The following SP7 variants were observed in gnomAD, a reference collection of about 807,000 sequenced individuals.
SP7 encodes the protein Sp7 transcription factor.
A neutral mutation model predicts 27.9 loss-of-function variants in SP7; 13 were observed. That is an observed-to-expected ratio of 0.47 (90% CI 0.30 to 0.74). The LOEUF (loss-of-function observed/expected upper bound fraction) is 0.74, where lower values mean the gene tolerates loss of function less well. Ranked by LOEUF, SP7 falls within the 30% of genes least tolerant of loss-of-function variation. The pLI, the probability that SP7 is intolerant of heterozygous loss-of-function variation, is 0.06. For synonymous variants in SP7, 219 were observed against 226.7 expected, an observed-to-expected ratio of 0.97 and a Z score of 0.31; for missense variants, 525 against 558.0, an observed-to-expected ratio of 0.94 and a Z score of 0.60.
rs748651512 is a variant in SP7 at position 53,328,375 on chromosome 12, C to G, written c.1067G>C (p.Cys356Ser). 6.2e-7 allele frequency: 1 copy of G among 1,613,588 alleles called. No individual in the cohort carries two copies. The highest frequency in any genetic ancestry group is 1.1e-5 in the South Asian group (1 of 91,044). ...RTHTREKKFT[C>S]LLCSKRFTRS... ...GGTAAAGCGCTTGGAGCAGAGCAGGCAGGTGAACTTCTTCTCCCGGGTGTG... is the reference window on the plus strand; with the variant it reads ...GGTAAAGCGCTTGGAGCAGAGCAGGGAGGTGAACTTCTTCTCCCGGGTGTG... Residue 356 changes from cysteine to serine, a missense_variant, in exon 3 of 3, where the codon TGC becomes TCC. By Grantham distance (112) the Cys-to-Ser change is moderately radical (BLOSUM62 -1). Coordinates refer to ENST00000536324, the MANE Select transcript of SP7 (RefSeq NM_001173467.3). The surrounding 1 kb of genome is among the most constrained non-coding windows in gnomAD (Gnocchi z 5.1).
At position 53,328,688 on chromosome 12, in the gene SP7, C is replaced by T; in HGVS notation, c.754G>A (p.Ala252Thr). 1 of 1,606,842 alleles carries T rather than the reference C, an allele frequency of 6.2e-7. No homozygotes were observed. Among genetic ancestry groups the T allele is most frequent in the East Asian group, 2.2e-5 (1 of 44,714 alleles). Residue 252 changes from alanine to threonine, a missense_variant, in exon 3 of 3, where the codon GCA (alanine) becomes ACA (threonine). Ala to Thr is a moderately conservative substitution (Grantham distance 58, BLOSUM62 0). Coordinates refer to ENST00000536324, the MANE Select transcript of SP7 (RefSeq NM_001173467.3). The surrounding 1 kb of genome is among the most constrained non-coding windows in gnomAD (Gnocchi z 5.1). ...TATCCACCACTACCCCCAGTGCTTG[C>T]ACCCCGTGGGGGTTTGGCTCCACCA... is the stretch of plus-strand genomic sequence containing the variant. ...GSGGAKPPRG[A>T]STGGSGGYGG...
At chr12:53,341,740 T>C (rs1429335410) in intron 1 of SP7, among the ~76,000 whole-genome samples, 1 of 152,060 alleles carries the variant, frequency 6.6e-6, no homozygotes, top group African/African-American at 2.4e-5. Context: ...GGTCAGAAGT[T>C]TGAGACTAGC....
At position 53,329,301 on chromosome 12, in the gene SP7, C is replaced by T. The variant is rs756141889; in HGVS notation, c.141G>A (p.Pro47=). The change falls in exon 3 of 3, where the codon CCG becomes CCA. Residue 47 remains proline, a synonymous_variant. Coordinates refer to ENST00000536324, the MANE Select transcript of SP7 (RefSeq NM_001173467.3). ...CTGAAAGGTCACTGCCCACAGAGTACGGCTTCTTTGTGCCTGCTTTGCCCA... is the reference window on the plus strand; with the variant it reads ...CTGAAAGGTCACTGCCCACAGAGTATGGCTTCTTTGTGCCTGCTTTGCCCA... The part of the protein sequence containing the change: ...TTLGKAGTKK[P]YSVGSDLSAS... 2.9e-5 allele frequency: 46 copies of T among 1,613,788 alleles called. No individual in the cohort carries two copies. The highest frequency in any genetic ancestry group is 1.8e-4 in the East Asian group (8 of 44,886).
At chr12:53,333,451 G>A (rs1180587377) in intron 2 of SP7, among the ~76,000 whole-genome samples, 6 of 152,232 alleles carry the variant, frequency 3.9e-5, no homozygotes, top group Admixed American at 3.3e-4. Context: ...GAGCAGGGGA[G>A]GGGGATCCCC....
chr12:53,335,176 G>A (rs970150149), intron 2 of SP7, among the ~76,000 whole-genome samples: 2 of 151,972 alleles, frequency 1.3e-5, no homozygotes, highest in East Asian at 1.9e-4. Context: ...CCCAGGAGAC[G>A]GGACCCCTAA....
chr12:53,333,251 C>T (rs11613008), intron 2 of SP7, among the ~76,000 whole-genome samples: 1 of 152,282 alleles, frequency 6.6e-6, no homozygotes, highest in South Asian at 2.1e-4. Flanking sequence ...AAACATGTGT[C>T]CCCATACCTG....
upstream of SP7, among the ~76,000 whole-genome samples, chr12:53,338,048 G>T (rs1392201059): frequency 6.6e-6 from 1 of 152,050 alleles, no homozygotes; most frequent in East Asian, 1.9e-4. Flanking sequence ...GAGGAACAAA[G>T]ATGGGGAGAC....
chr12:53,337,700 G>A (rs1342926850), upstream of SP7, among the ~76,000 whole-genome samples: 4 of 152,150 alleles, frequency 2.6e-5, no homozygotes, highest in Non-Finnish European at 4.4e-5. Context: ...TCCACGGAGG[G>A]TTGCACAGCA....
rs1315223481 is a variant in SP7 at position 53,328,751 on chromosome 12, G to A, written c.691C>T (p.Pro231Ser). The change falls in exon 3 of 3, where the codon CCC (proline) becomes TCC (serine). Residue 231 changes from proline (P) to serine (S), a missense_variant. Physicochemically the swap from Pro to Ser is moderately conservative, Grantham distance 74. Coordinates refer to ENST00000536324, the MANE Select transcript of SP7 (RefSeq NM_001173467.3). The surrounding 1 kb of genome is among the most constrained non-coding windows in gnomAD (Gnocchi z 5.1). Reference sequence around the variant, plus strand: ...TGCCCACTATTTCCCACTGCCTTGGGTTTATAGACATCTTGGGGCAAGACA... The same window carrying A: ...TGCCCACTATTTCCCACTGCCTTGGATTTATAGACATCTTGGGGCAAGACA... The part of the protein sequence containing the change: ...QHVLPQDVYK[P>S]KAVGNSGQLE... The A allele has an allele frequency of 6.2e-7, 1 of 1,606,054 alleles. No individual in the cohort carries two copies. The highest frequency in any genetic ancestry group is 8.5e-7 in the Non-Finnish European group (1 of 1,174,092).
At chr12:53,337,139 A>C (rs919235758), upstream of SP7, among the ~76,000 whole-genome samples, 4 of 152,138 alleles carry the variant, frequency 2.6e-5, no homozygotes, top group Admixed American at 2.6e-4. Context: ...CTTGTCAGTT[A>C]CCATCCCTGG....
At chr12:53,339,316 G>A (rs865774447), upstream of SP7, among the ~76,000 whole-genome samples, 1 of 152,194 alleles carries the variant, frequency 6.6e-6, no homozygotes, top group South Asian at 2.1e-4. Context: ...CCTCCCCTAG[G>A]AGAATCAGGG....
intron 2 of SP7, among the ~76,000 whole-genome samples, chr12:53,335,046 C>A (rs1005408270): frequency 3.9e-5 from 6 of 152,192 alleles, no homozygotes; most frequent in Non-Finnish European, 5.9e-5. Context: ...TCAGCTCCCC[C>A]ACAGGCACAG....
At chr12:53,335,166 C>T (rs978988611) in intron 2 of SP7, among the ~76,000 whole-genome samples, 1 of 152,070 alleles carries the variant, frequency 6.6e-6, no homozygotes, top group African/African-American at 2.4e-5. Context: ...GGCTACGAGT[C>T]CCAGGAGACG....
intron 2 of SP7, among the ~76,000 whole-genome samples, chr12:53,333,133 G>T (rs1032391021): frequency 6.6e-6 from 1 of 152,178 alleles, no homozygotes; most frequent in African/African-American, 2.4e-5. Context: ...AATGCTCTGG[G>T]GGCTACAGGC....
chr12:53,337,969 A>AAAC (rs572212743), upstream of SP7, among the ~76,000 whole-genome samples: 374 of 152,144 alleles, frequency 2.5e-3, 9 homozygotes, highest in East Asian at 0.041. Context: ...GTGTGGCTTT[A>AAAC]AACAACAACA....
At position 53,329,277 on chromosome 12, in the gene SP7, T is replaced by C. The variant is rs371022356; in HGVS notation, c.165A>G (p.Ser55=). 57 of 1,613,730 alleles carry C rather than the reference T, an allele frequency of 3.5e-5. No homozygotes were observed. Among genetic ancestry groups the C allele is most frequent in the Non-Finnish European group, 4.8e-5 (57 of 1,179,892 alleles). ...AAGCATCCCCCATGGTTTTGGAGGC[T>C]GAAAGGTCACTGCCCACAGAGTACG... ...KKPYSVGSDL[S]ASKTMGDAYP... is the part of the protein sequence containing the mutation. Residue 55 remains serine, a synonymous_variant, in exon 3 of 3, where the codon TCA becomes TCG. Transcript: ENST00000536324.
chr12:53,337,472 G>C (rs190611249), upstream of SP7, among the ~76,000 whole-genome samples: 9 of 152,182 alleles, frequency 5.9e-5, no homozygotes, highest in Admixed American at 1.3e-4. Flanking sequence ...TCTCCCACAG[G>C]GGGGCTTAGC....
chr12:53,337,594 C>G (rs1944783855), upstream of SP7, among the ~76,000 whole-genome samples: 1 of 152,174 alleles, frequency 6.6e-6, no homozygotes, highest in Admixed American at 6.6e-5. Flanking sequence ...TCTGCAACAC[C>G]ATCCCCTCAC....
At chr12:53,334,331 T>TACACACACACAC (rs57611228) in intron 2 of SP7, among the ~76,000 whole-genome samples, 63 of 139,612 alleles carry the variant, frequency 4.5e-4, no homozygotes, top group East Asian at 2.2e-3. Context: ...TGGCCCAACT[T>TACACACACACAC]ACACACACAC....
Sources: gnomAD v4.1 joint callset for allele counts (sites outside exome capture counted in the v4.1 genomes callset) on GRCh38, gnomAD v4.1.1 for gene constraint, Gnocchi (gnomAD v3.1) non-coding constraint, MANE v1.5 for transcripts, NCBI Gene and HGNC (gene_info 2026-07-23, HGNC 2026-07-21) for gene names.